Variants in PTPRB observed in about 807,000 individuals in gnomAD.
PTPRB encodes the protein receptor-type tyrosine-protein phosphatase beta.
A neutral mutation model predicts 238.1 loss-of-function variants in PTPRB; 97 were observed. That is an observed-to-expected ratio of 0.41 (90% CI 0.35 to 0.48). The LOEUF (loss-of-function observed/expected upper bound fraction) is 0.48, where lower values mean the gene tolerates loss of function less well. Ranked by LOEUF, PTPRB falls within the 20% of genes least tolerant of loss-of-function variation. The pLI is 0.30. For missense variants in PTPRB, 2,292 were observed against 2,681.9 expected, an observed-to-expected ratio of 0.85 and a Z score of 3.21; for synonymous variants, 970 against 995.4, an observed-to-expected ratio of 0.97 and a Z score of 0.48.
intron 22 of PTPRB, chr12:70,543,121 C>T (rs1875434487): frequency 6.6e-6 from 1 of 151,986 alleles, no homozygotes; most frequent in South Asian, 2.1e-4. Context: ...CCAGAGTATC[C>T]ATTTTTTCTT....
intron 14 of PTPRB, among the ~76,000 whole-genome samples, chr12:70,568,403 T>C (rs1157309367): frequency 6.6e-6 from 1 of 152,130 alleles, no homozygotes; most frequent in African/African-American, 2.4e-5. Context: ...GTTCATGCCA[T>C]TCTCCTGCCT....
Position 70,556,129 on chromosome 12 carries a change from G to T in PTPRB, c.4734C>A (p.Asn1578Lys), listed in dbSNP as rs1195815897. ...SVRTKPDKIQNLHCRPQNSTA... is the reference protein window; with the variant it reads ...SVRTKPDKIQKLHCRPQNSTA... ...TGGAGTTCTGAGGCCGGCAATGCAG[G>T]TTTTGTATCTTGTCAGGCTCTAAAG... The change falls in exon 19 of 34, where the codon AAC becomes AAA. Residue 1578 changes from asparagine (N) to lysine (K), a missense_variant. Physicochemically the swap from Asn to Lys is moderately conservative, Grantham distance 94. Coordinates refer to ENST00000334414, the MANE Select transcript of PTPRB (RefSeq NM_001109754.4). 2.5e-6 allele frequency: 4 copies of T among 1,613,378 alleles called. No individual in the cohort carries two copies. Among genetic ancestry groups the T allele is most frequent in the East Asian group, 2.2e-5 (1 of 44,876 alleles).
chr12:70,531,306 A>ATT lies in PTPRB; in HGVS notation c.6504+727_6504+728dup, dbSNP rs35411048. Among the ~76,000 whole-genome samples, 758 of 149,122 alleles carry ATT rather than the reference A, an allele frequency of 5.1e-3. 3 individuals carry two copies. The highest frequency in any genetic ancestry group is 0.017 in the African/African-American group (706 of 40,752). Reference sequence around the variant, plus strand: ...GAACTTTTTACTTTTCCAACCATGGATTTTTTTTTTTAATACAGAGGATTT... The same window carrying ATT: ...GAACTTTTTACTTTTCCAACCATGGATTTTTTTTTTTTTAATACAGAGGATTT... On this transcript the variant is annotated intron_variant, in intron 32 of 33. Coordinates refer to ENST00000334414, the MANE Select transcript of PTPRB (RefSeq NM_001109754.4).
At position 70,524,480 on chromosome 12, in the gene PTPRB, A is replaced by G. The variant is rs1266271321; in HGVS notation, c.6616T>C (p.Tyr2206His). The change falls in exon 33 of 34, where the codon TAT becomes CAT. Residue 2206 changes from tyrosine to histidine, a missense_variant. Coordinates refer to ENST00000334414, the MANE Select transcript of PTPRB (RefSeq NM_001109754.4). ...TGAAGTAAGTGCCCACCTCTGTGAT[A>G]CTCTGGATTCACATTTTCATAGATT... ...FPIYENVNPE[Y>H]HRDPVYSRH 1.9e-6 allele frequency: 3 copies of G among 1,608,774 alleles called. No individual in the cohort carries two copies. Among genetic ancestry groups the G allele is most frequent in the Non-Finnish European group, 2.5e-6 (3 of 1,177,572 alleles).
rs750441030 is a variant in PTPRB, at chr12:70,636,028, G to T, written c.94C>A (p.Leu32Ile). Residue 32 changes from leucine to isoleucine, a missense_variant, in exon 2 of 34, where the codon CTT (leucine) becomes ATT (isoleucine). By Grantham distance (5) the Leu-to-Ile change is conservative. Transcript: ENST00000334414. ...ACGACCACTTTCTCATTTTTGAAAA[G>T]ACACTGTTGTTTCTGGACATGGACA... is the stretch of plus-strand genomic sequence containing the variant. The part of the protein sequence containing the change: ...QIVHVQKQQC[L>I]FKNEKVVVGS... 2 of 1,613,306 alleles carry T rather than the reference G, an allele frequency of 1.2e-6. No individual in the cohort carries two copies. The highest frequency in any genetic ancestry group is 2.7e-5 in the African/African-American group (2 of 74,930).
rs1871477237 is a variant in PTPRB at position 70,519,773 on chromosome 12, A to G, written c.*1716T>C. On this transcript the variant is annotated 3_prime_UTR_variant, in exon 34 of 34. Coordinates refer to ENST00000334414, the MANE Select transcript of PTPRB (RefSeq NM_001109754.4). ...CAGAAGATTCACTTAGTTCCTTGAT[A>G]CAGAATCAGAGCTTAAGACTGTCAT... The G allele has an allele frequency of 6.5e-6, 1 of 154,108 alleles. No individual in the cohort carries two copies. Among genetic ancestry groups the G allele is most frequent in the Non-Finnish European group, 1.4e-5 (1 of 69,474 alleles). The allele number at this position is 154,108 out of a possible 1,614,324, so 9.5% of individuals were successfully genotyped here. A position where few individuals can be genotyped will look rare whatever the true frequency, so the allele number is the denominator to read the frequency against.
intron 4 of PTPRB, among the ~76,000 whole-genome samples, chr12:70,602,679 T>C (rs980956747): frequency 2.0e-5 from 3 of 152,144 alleles, no homozygotes; most frequent in African/African-American, 7.2e-5. Flanking sequence ...TGGGTGGGGA[T>C]ATAGATGAAA....
rs1229545808 is a variant in PTPRB at position 70,521,472 on chromosome 12, G to A, written c.*17C>T. 7 of 1,526,552 alleles carry A rather than the reference G, an allele frequency of 4.6e-6. No individual in the cohort carries two copies. The highest frequency in any genetic ancestry group is 6.2e-6 in the Non-Finnish European group (7 of 1,135,706). The allele number at this position is 1,526,552 out of a possible 1,614,324, so 94.6% of individuals were successfully genotyped here. A position where few individuals can be genotyped will look rare whatever the true frequency, so the allele number is the denominator to read the frequency against. On this transcript the variant is annotated 3_prime_UTR_variant, in exon 34 of 34. Coordinates refer to ENST00000334414, the MANE Select transcript of PTPRB (RefSeq NM_001109754.4). ...CACAGTGAATAATTTTTATCCAGGA[G>A]CTCTTCAGGTACATTCTCAATGCCT...
chr12:70,572,129 G>A, intron 11 of PTPRB, 42 bp from the exon 12 acceptor site: 3 of 1,519,882 alleles, frequency 2.0e-6, no homozygotes, highest in Non-Finnish European at 2.7e-6. Context: ...TATGAATTCT[G>A]AGTGAGTAAT....
At chr12:70,622,333 A>C in intron 3 of PTPRB, 57 bp downstream of exon 3, 1 of 1,579,664 alleles carries the variant, frequency 6.3e-7, no homozygotes, top group South Asian at 1.1e-5. Context: ...AGTCTTTTCA[A>C]GCAATGAGCC....
intron 3 of PTPRB, among the ~76,000 whole-genome samples, chr12:70,621,924 G>A (rs914991181): frequency 7.9e-5 from 12 of 152,210 alleles, no homozygotes; most frequent in South Asian, 2.1e-4. Flanking sequence ...GTATTGATGT[G>A]GAAGTGGTAC....
Position 70,560,805 on chromosome 12 carries a change from T to C in PTPRB, c.4298A>G (p.Lys1433Arg), listed in dbSNP as rs2136328848. The C allele has an allele frequency of 6.2e-7, 1 of 1,613,990 alleles. No individual in the cohort carries two copies. The highest frequency in any genetic ancestry group is 2.2e-5 in the East Asian group (1 of 44,874). Residue 1433 changes from lysine (K) to arginine (R), a missense_variant, in exon 17 of 34, where the codon AAG becomes AGG. Lys to Arg is a conservative substitution (Grantham distance 26, BLOSUM62 2). Transcript: ENST00000334414. This position sits in a 1 kb window ranked among gnomAD's most constrained non-coding sequence, Gnocchi z 4.2. The part of the protein sequence containing the change: ...ELILYNPNGT[K>R]KENWKDKDLT... ...GTCCTTGTCTTTCCAGTTTTCCTTCTTTGTGCCATTGGGATTATAGAGAAT... is the reference window on the plus strand; with the variant it reads ...GTCCTTGTCTTTCCAGTTTTCCTTCCTTGTGCCATTGGGATTATAGAGAAT...
chr12:70,543,085 G>A (rs1223409013), intron 22 of PTPRB: 2 of 151,962 alleles, frequency 1.3e-5, no homozygotes, highest in South Asian at 2.1e-4. Flanking sequence ...GTCCTTTGAA[G>A]CACAAGTTTT....
intron 10 of PTPRB, among the ~76,000 whole-genome samples, chr12:70,580,775 G>A (rs979585055): frequency 1.3e-4 from 19 of 149,888 alleles, no homozygotes; most frequent in Non-Finnish European, 2.1e-4. Flanking sequence ...CCGAGATCAC[G>A]CCATCGCACT....
intron 21 of PTPRB, among the ~76,000 whole-genome samples, chr12:70,551,630 G>A (rs1005105957): frequency 3.9e-5 from 6 of 152,042 alleles, no homozygotes; most frequent in Non-Finnish European, 5.9e-5. Flanking sequence ...AAAGCAGAAC[G>A]AACACTGGCC....
Position 70,521,227 on chromosome 12 carries a change from T to C in PTPRB, c.*262A>G, listed in dbSNP as rs543119016. 7 of 328,578 alleles carry C rather than the reference T, an allele frequency of 2.1e-5. No homozygotes were observed. Among genetic ancestry groups the C allele is most frequent in the Non-Finnish European group, 3.8e-5 (7 of 182,552 alleles). 20.4% of individuals were successfully genotyped at this position (328,578 alleles called of 1,614,324 possible). ...TATGTAGAACAAGTCATGAACACTT[T>C]AGTGTGGAAAAATAGTATTATATAA... On this transcript the variant is annotated 3_prime_UTR_variant, in exon 34 of 34. Coordinates refer to ENST00000334414, the MANE Select transcript of PTPRB (RefSeq NM_001109754.4).
intron 11 of PTPRB, among the ~76,000 whole-genome samples, chr12:70,572,783 A>C (rs1357960097): frequency 6.6e-6 from 1 of 151,480 alleles, no homozygotes; most frequent in East Asian, 1.9e-4. Context: ...CATAAAAAAA[A>C]AAAAAAAAAG....
intron 2 of PTPRB, among the ~76,000 whole-genome samples, chr12:70,628,027 A>G (rs1592608687): frequency 6.6e-6 from 1 of 152,188 alleles, no homozygotes; most frequent in African/African-American, 2.4e-5. Context: ...ACAACTAAAC[A>G]ATTACTTTAA....
intron 23 of PTPRB, 34 bp from the exon 24 acceptor site, chr12:70,540,056 T>G: frequency 1.3e-6 from 2 of 1,543,584 alleles, no homozygotes; most frequent in African/African-American, 1.4e-5. Flanking sequence ...TTATTCTGAT[T>G]ATGATACTTG....
Sources: allele counts gnomAD v4.1 joint callset (sites outside exome capture counted in the v4.1 genomes callset), GRCh38; gene constraint gnomAD v4.1.1; non-coding constraint Gnocchi (gnomAD v3.1); transcripts MANE v1.5; gene names NCBI Gene and HGNC (gene_info 2026-07-23, HGNC 2026-07-21).